The following PLA2G4A variants were observed in gnomAD, a reference collection of about 807,000 sequenced individuals.
PLA2G4A encodes phospholipase A2 group IVA, also known as cytosolic phospholipase A2.
A neutral mutation model predicts 81.9 loss-of-function variants in PLA2G4A; 40 were observed. That is an observed-to-expected ratio of 0.49 (90% confidence interval 0.38 to 0.64). PLA2G4A has a LOEUF of 0.64. Among genes scored for constraint, PLA2G4A ranks in the 30% least tolerant of loss-of-function variants. The probability of loss-of-function intolerance (pLI) is 0.00; values close to 1 mark genes in which losing one functional copy is unlikely to be tolerated. For missense variants in PLA2G4A, 715 were observed against 905.1 expected (o/e 0.79, Z 2.69); for synonymous variants, 302 against 296.9 (o/e 1.02, Z -0.18).
intron 3 of PLA2G4A, among the ~76,000 whole-genome samples, chr1:186,890,129 T>G (rs550088868): frequency 3.9e-5 from 6 of 152,332 alleles, no homozygotes; most frequent in Admixed American, 2.6e-4. Flanking sequence ...ACTTAGTTAT[T>G]TGTTGTTTTT....
chr1:186,899,240 G>C (rs1225550543), intron 5 of PLA2G4A, among the ~76,000 whole-genome samples: 3 of 152,150 alleles, frequency 2.0e-5, no homozygotes, highest in Non-Finnish European at 4.4e-5. Flanking sequence ...CAAGTAGAAA[G>C]GCTCTGAAGC....
At chr1:186,988,087 AT>A (rs1194290992) in intron 17 of PLA2G4A, among the ~76,000 whole-genome samples, 1 of 152,158 alleles carries the variant, frequency 6.6e-6, no homozygotes, top group Non-Finnish European at 1.5e-5. Flanking sequence ...AACCAACATA[AT>A]TTTACCATGC....
chr1:186,926,741 T>A (rs1463857593), intron 7 of PLA2G4A, among the ~76,000 whole-genome samples: 1 of 152,232 alleles, frequency 6.6e-6, no homozygotes, highest in African/African-American at 2.4e-5. Context: ...TTGTTTTACC[T>A]TTGTGCGTCA....
At position 186,973,377 on chromosome 1, in the gene PLA2G4A, A is replaced by G. The variant is rs12720679; in HGVS notation, c.1765-4216A>G. On this transcript the variant is annotated intron_variant, in intron 15 of 17. Coordinates refer to ENST00000367466, the MANE Select transcript of PLA2G4A (RefSeq NM_024420.3). ...CTTCTCTTGTATCTCATATAAGAAT[A>G]ATTGTCATTGAATTTAGGGCCCACC... 2.6e-5 allele frequency among the ~76,000 whole-genome samples: 4 copies of G among 152,114 alleles called. No homozygotes were observed. In the East Asian group the frequency reaches 7.7e-4, roughly 29 times the overall value.
At chr1:186,950,565 C>G in intron 12 of PLA2G4A, 92 bp from the exon 13 acceptor site, 5 of 710,662 alleles carry the variant, frequency 7.0e-6, no homozygotes, top group Non-Finnish European at 1.3e-5. Context: ...AGATCTCACT[C>G]TGTGGTTTTG....
rs1657960987 is a variant in PLA2G4A, at chr1:186,988,409, A to G, written c.2151A>G (p.Glu717=). The change falls in exon 18 of 18, where the codon GAA becomes GAG. Residue 717 remains glutamate (E), a synonymous_variant. Coordinates refer to ENST00000367466, the MANE Select transcript of PLA2G4A (RefSeq NM_024420.3). ...VIKEAMVESI[E]YRRQNPSRCS... is the part of the protein sequence containing the mutation. ...AAGAAGCCATGGTTGAAAGCATTGA[A>G]TATAGAAGACAGAATCCATCTCGTT... 1 of 1,612,008 alleles carries G rather than the reference A, an allele frequency of 6.2e-7. No homozygotes were observed. Among genetic ancestry groups the G allele is most frequent in the Non-Finnish European group, 8.5e-7 (1 of 1,178,348 alleles).
chr1:186,968,049 G>T (rs1039775294), intron 15 of PLA2G4A, among the ~76,000 whole-genome samples: 1 of 152,196 alleles, frequency 6.6e-6, no homozygotes, highest in African/African-American at 2.4e-5. Context: ...AAACAATGGG[G>T]AGGTGGGTTT....
At chr1:186,868,229 C>T (rs1653106473) in intron 2 of PLA2G4A, among the ~76,000 whole-genome samples, 1 of 151,902 alleles carries the variant, frequency 6.6e-6, no homozygotes, top group African/African-American at 2.4e-5. Flanking sequence ...CACACACCAC[C>T]ATGCCCGGCT....
intron 3 of PLA2G4A, among the ~76,000 whole-genome samples, chr1:186,881,188 G>A (rs1451286575): frequency 3.9e-5 from 6 of 151,946 alleles, no homozygotes; most frequent in African/African-American, 1.2e-4. Flanking sequence ...CTTACAAAAG[G>A]AAATGTGACT....
chr1:186,966,577 G>A (rs1465021291), intron 15 of PLA2G4A, among the ~76,000 whole-genome samples: 1 of 152,154 alleles, frequency 6.6e-6, no homozygotes, highest in African/African-American at 2.4e-5. Flanking sequence ...GGCATGTGGG[G>A]TAAATAAAAG....
intron 3 of PLA2G4A, among the ~76,000 whole-genome samples, chr1:186,881,544 G>A (rs190731436): frequency 1.6e-3 from 238 of 152,208 alleles, no homozygotes; most frequent in African/African-American, 5.5e-3. Flanking sequence ...TCTTTCTGGA[G>A]GGAGCAGGGG....
Position 186,835,628 on chromosome 1 carries a change from G to A in PLA2G4A, c.-70+6593G>A, listed in dbSNP as rs551073395. 7.9e-5 allele frequency among the ~76,000 whole-genome samples: 12 copies of A among 152,270 alleles called. No homozygotes were observed. In the East Asian group the frequency reaches 2.3e-3, roughly 29 times the overall value. ...ATTCAACTGCCATGAAGAAGAGGTG[G>A]ATGAATTTTAAATTTGCTGACGTCA... On this transcript the variant is annotated intron_variant, in intron 1 of 17. Coordinates refer to ENST00000367466, the MANE Select transcript of PLA2G4A (RefSeq NM_024420.3).
chr1:186,829,984 ATTTTTG>A (rs1651489481), intron 1 of PLA2G4A, among the ~76,000 whole-genome samples: 1 of 152,134 alleles, frequency 6.6e-6, no homozygotes, highest in African/African-American at 2.4e-5. Flanking sequence ...GAAGATTTGT[ATTTTTG>A]TTTCTCTTTG....
At chr1:186,921,713 A>G (rs10911958) in intron 7 of PLA2G4A, among the ~76,000 whole-genome samples, 50,331 of 151,742 alleles carry the variant, frequency 0.33, 10,280 homozygotes, top group Non-Finnish European at 0.45. Context: ...GCTGATACCA[A>G]TTCCTGCCAT....
At chr1:186,857,386 GTAATA>G (rs947464257) in intron 2 of PLA2G4A, among the ~76,000 whole-genome samples, 5 of 117,038 alleles carry the variant, frequency 4.3e-5, no homozygotes, top group African/African-American at 1.3e-4. Context: ...TTATATAAAT[GTAATA>G]TAATATATAA....
chr1:186,901,792 G>C (rs1297780296), intron 5 of PLA2G4A, among the ~76,000 whole-genome samples: 3 of 152,074 alleles, frequency 2.0e-5, no homozygotes, highest in Non-Finnish European at 4.4e-5. Context: ...GGAAGACAAT[G>C]GTCTTTAAAA....
intron 7 of PLA2G4A, among the ~76,000 whole-genome samples, chr1:186,928,401 G>T (rs1655626104): frequency 6.6e-6 from 1 of 152,086 alleles, no homozygotes; most frequent in Non-Finnish European, 1.5e-5. Context: ...ATGTGGGTGG[G>T]CCTCATCCAA....
intron 10 of PLA2G4A, among the ~76,000 whole-genome samples, chr1:186,943,762 G>C (rs1368852075): frequency 6.6e-6 from 1 of 152,102 alleles, no homozygotes; most frequent in African/African-American, 2.4e-5. Flanking sequence ...TGCACACATT[G>C]GTGAAGAAAA....
At position 186,939,062 on chromosome 1, in the gene PLA2G4A, G is replaced by T. The variant is rs1341969251; in HGVS notation, c.750G>T (p.Glu250Asp). Residue 250 changes from glutamate (E) to aspartate (D), a missense_variant, in exon 9 of 18, where the codon GAG (glutamate) becomes GAT (aspartate). Coordinates refer to ENST00000367466, the MANE Select transcript of PLA2G4A (RefSeq NM_024420.3). ...ATTTTCCAGAGAAAGGGCCAGAGGA[G>T]ATTAATGAAGAACTAATGAAAAATG... is the stretch of plus-strand genomic sequence containing the variant. ...HPDFPEKGPE[E>D]INEELMKNVS... The T allele has an allele frequency of 1.2e-6, 2 of 1,611,352 alleles. No homozygotes were observed. The highest frequency in any genetic ancestry group is 1.7e-6 in the Non-Finnish European group (2 of 1,177,748).
Sources: allele counts gnomAD v4.1 joint callset (sites outside exome capture counted in the v4.1 genomes callset), GRCh38; gene constraint gnomAD v4.1.1; transcripts MANE v1.5; gene names NCBI Gene and HGNC (gene_info 2026-07-23, HGNC 2026-07-21).